Variants in DACH2 observed in about 807,000 individuals in gnomAD.
DACH2 encodes the protein dachshund homolog 2.
A neutral mutation model predicts 35.8 loss-of-function variants in DACH2; 17 were observed. That is an observed-to-expected ratio of 0.48 (90% CI 0.33 to 0.71). DACH2 has a LOEUF of 0.71. DACH2 is among the 30% of genes least tolerant of loss of function. DACH2 has a pLI of 0.02. For synonymous variants in DACH2, 195 were observed against 177.3 expected (o/e 1.10, Z -0.79); for missense variants, 469 against 472.7 (o/e 0.99, Z 0.07).
At chrX:86,216,698 A>C in intron 1 of DACH2, among the ~76,000 whole-genome samples, 1 of 111,949 alleles carries the variant, frequency 8.9e-6, no homozygotes, top group African/African-American at 3.3e-5. Flanking sequence ...TGAATTCAAT[A>C]AATTCTGCCC....
At chrX:86,458,502 G>A (rs144247956) in intron 2 of DACH2, among the ~76,000 whole-genome samples, 5,028 of 110,695 alleles carry the variant, frequency 0.045, 126 homozygotes, top group Middle Eastern at 0.14. Flanking sequence ...GCATGCTAAG[G>A]GATACAATAT....
At chrX:86,292,253 T>C (rs1287881718) in intron 1 of DACH2, among the ~76,000 whole-genome samples, 1 of 68,398 alleles carries the variant, frequency 1.5e-5, no homozygotes, top group Non-Finnish European at 2.6e-5. Flanking sequence ...TTTGTATTTC[T>C]GTGGGATCGG....
At chrX:86,324,571 C>CTTTTT (rs56918891) in intron 1 of DACH2, among the ~76,000 whole-genome samples, 11 of 40,645 alleles carry the variant, frequency 2.7e-4, no homozygotes, top group Non-Finnish European at 3.8e-4. Flanking sequence ...TCACTGTTGT[C>CTTTTT]TTTTTTTTTT....
intron 7 of DACH2, among the ~76,000 whole-genome samples, chrX:86,783,288 A>C (rs1307343985): frequency 1.8e-5 from 2 of 112,155 alleles, no homozygotes; most frequent in Non-Finnish European, 3.8e-5. Context: ...AAGTTTGTGA[A>C]GAAAAGGGAC....
Position 86,727,741 on chromosome X carries a change from C to T in DACH2, c.1105-12006C>T, listed in dbSNP as rs188914851. 4.7e-3 allele frequency among the ~76,000 whole-genome samples: 519 copies of T among 111,601 alleles called. 3 individuals are homozygous for T. The highest frequency in any genetic ancestry group is 0.016 in the African/African-American group (491 of 30,673). On this transcript the variant is annotated intron_variant, in intron 6 of 11. Coordinates refer to ENST00000373125, the MANE Select transcript of DACH2 (RefSeq NM_053281.3). Reference sequence around the variant, plus strand: ...GTGCCTGCCCCCACTTCACCAGCTGCCATAAGTAAAATCTTCCTGAGGCCT... The same window carrying T: ...GTGCCTGCCCCCACTTCACCAGCTGTCATAAGTAAAATCTTCCTGAGGCCT...
chrX:86,482,995 TG>T (rs1213049442), intron 2 of DACH2, among the ~76,000 whole-genome samples: 3 of 21,521 alleles, frequency 1.4e-4, no homozygotes, highest in African/African-American at 3.5e-4. Context: ...TGTTGTGGGG[TG>T]GGGGGGAGGG....
At chrX:86,512,677 G>T (rs770470224) in intron 2 of DACH2, among the ~76,000 whole-genome samples, 12 of 112,058 alleles carry the variant, frequency 1.1e-4, no homozygotes, top group Non-Finnish European at 2.1e-4. Context: ...ACACAAAAAA[G>T]CATTTAGAAA....
intron 1 of DACH2, among the ~76,000 whole-genome samples, chrX:86,349,197 G>A (rs750825532): frequency 9.0e-6 from 1 of 111,507 alleles, no homozygotes; most frequent in South Asian, 3.8e-4. Context: ...GGCCAGAAGG[G>A]GGATGGAGTG....
In DACH2 at chrX:86,204,301, A is replaced by G. The variant is rs1049710248; in HGVS notation, c.488+55193A>G. Among the ~76,000 whole-genome samples, 4 of 112,261 alleles carry G rather than the reference A, an allele frequency of 3.6e-5. No individual in the cohort carries two copies. In the East Asian group the frequency reaches 1.1e-3, roughly 31 times the overall value. Reference sequence around the variant, plus strand: ...ATGGAATCAAATTTCCGGTGGAAAGACATGTTTTAAATGTATCCTTTGTTC... The same window carrying G: ...ATGGAATCAAATTTCCGGTGGAAAGGCATGTTTTAAATGTATCCTTTGTTC... On this transcript the variant is annotated intron_variant, in intron 1 of 11. Transcript: ENST00000373125.
rs185806398 is a variant in DACH2, at chrX:86,824,180, C to T, written c.1751-7926C>T. On this transcript the variant is annotated intron_variant, in intron 11 of 11. Transcript: ENST00000373125. ...GAGTCCTTATCTCAACCGCATAAGA[C>T]GGACACTCCCAGAACAGCCGTTTAT... is the stretch of plus-strand genomic sequence containing the variant. Among the ~76,000 whole-genome samples, 221 of 110,729 alleles carry T rather than the reference C, an allele frequency of 2.0e-3. 6 individuals carry two copies. The highest frequency in any genetic ancestry group is 6.8e-3 in the African/African-American group (206 of 30,449).
At chrX:86,276,086 G>T (rs2033911023) in intron 1 of DACH2, among the ~76,000 whole-genome samples, 1 of 111,912 alleles carries the variant, frequency 8.9e-6, no homozygotes, top group East Asian at 2.8e-4. Flanking sequence ...CAGTGAGATT[G>T]CTGGATCATA....
intron 3 of DACH2, among the ~76,000 whole-genome samples, chrX:86,534,173 C>A (rs768755197): frequency 1.8e-5 from 2 of 111,786 alleles, no homozygotes; most frequent in African/African-American, 3.3e-5. Context: ...TTAGGGAGAG[C>A]AGCTATAAGG....
At chrX:86,564,223 A>G (rs1340845610) in intron 3 of DACH2, among the ~76,000 whole-genome samples, 1 of 111,500 alleles carries the variant, frequency 9.0e-6, no homozygotes, top group Non-Finnish European at 1.9e-5. Context: ...GAAAACCATA[A>G]TGTGATCTCC....
At chrX:86,339,368 A>G in intron 1 of DACH2, among the ~76,000 whole-genome samples, 1 of 111,915 alleles carries the variant, frequency 8.9e-6, no homozygotes. Flanking sequence ...TAGTAAGTAA[A>G]GTAGATCTTA....
At chrX:86,515,114 G>A (rs1160516598) in intron 3 of DACH2, among the ~76,000 whole-genome samples, 1 of 111,105 alleles carries the variant, frequency 9.0e-6, no homozygotes, top group Non-Finnish European at 1.9e-5. Context: ...TATACATAAT[G>A]ATACGAACAT....
intron 3 of DACH2, among the ~76,000 whole-genome samples, chrX:86,542,968 TGGAGGGC>T (rs2038906728): frequency 8.9e-6 from 1 of 112,371 alleles, no homozygotes; most frequent in South Asian, 3.6e-4. Flanking sequence ...CGACCTAGTC[TGGAGGGC>T]CAAGGGGGGC....
rs777677077 is a variant in DACH2, at chrX:86,407,905, C to A, written c.527+31043C>A. ...ACAACCCATTTATTTATCAGACCAT[C>A]TATGTGAAGAGGGCAATAATAGATA... On this transcript the variant is annotated intron_variant, in intron 2 of 11. Transcript: ENST00000373125. 1.1e-4 allele frequency among the ~76,000 whole-genome samples: 12 copies of A among 111,739 alleles called. No homozygotes were observed. In the Admixed American group the frequency reaches 1.1e-3, roughly 11 times the overall value.
At chrX:86,327,624 T>A (rs1272747866) in intron 1 of DACH2, among the ~76,000 whole-genome samples, 1 of 112,066 alleles carries the variant, frequency 8.9e-6, no homozygotes, top group Non-Finnish European at 1.9e-5. Flanking sequence ...ACATTAAAGC[T>A]TTTCTGTGGT....
chrX:86,526,239 A>G (rs998521085), intron 3 of DACH2, among the ~76,000 whole-genome samples: 1 of 111,887 alleles, frequency 8.9e-6, no homozygotes, highest in Non-Finnish European at 1.9e-5. Context: ...TAGAGTGTCT[A>G]TCATTTCCTA....
Sources: allele counts gnomAD v4.1 joint callset (sites outside exome capture counted in the v4.1 genomes callset), GRCh38; gene constraint gnomAD v4.1.1; transcripts MANE v1.5; gene names NCBI Gene and HGNC (gene_info 2026-07-23, HGNC 2026-07-21).